PIEZO2: variants seen among roughly 807,000 people sequenced by gnomAD.
The protein encoded by PIEZO2 is piezo-type mechanosensitive ion channel component 2.
Under a neutral mutation model 337.3 loss-of-function variants are expected in PIEZO2, and 172 were observed. That is an observed-to-expected ratio of 0.51 (90% CI 0.45 to 0.58). PIEZO2 has a LOEUF of 0.58. PIEZO2 is among the 20% of genes least tolerant of loss of function. PIEZO2 has a pLI of 0.00. For missense variants in PIEZO2, 3,028 were observed against 3,391.3 expected (o/e 0.89, Z 2.66); for synonymous variants, 1,251 against 1,228.5 (o/e 1.02, Z -0.38).
rs1193598448 is a variant in PIEZO2 at position 11,122,573 on chromosome 18, GA to G, written c.64+25951del. Among the ~76,000 whole-genome samples the G allele has an allele frequency of 1.1e-4, 16 of 152,090 alleles. 1 individual carries two copies. Among genetic ancestry groups the G allele is most frequent in the African/African-American group, 3.9e-4 (16 of 41,482 alleles). The stretch of plus-strand genomic sequence containing the variant: ...TGAAAACTAGTAGCAATAATGCATA[GA>G]AAAAAACCGAAGTTCTGAAATGAAT... On this transcript the variant is annotated intron_variant, in intron 1 of 55. Coordinates refer to ENST00000674853, the MANE Select transcript of PIEZO2 (RefSeq NM_001378183.1).
intron 3 of PIEZO2, among the ~76,000 whole-genome samples, chr18:10,912,155 A>G (rs2030538533): frequency 6.6e-6 from 1 of 152,174 alleles, no homozygotes; most frequent in Admixed American, 6.5e-5. Context: ...AGAGATGGAC[A>G]GCTGGGTATA....
chr18:10,680,415 C>T (rs2034214013), intron 51 of PIEZO2, 44 bp from the exon 52 acceptor site: 1 of 1,512,596 alleles, frequency 6.6e-7, no homozygotes, highest in Non-Finnish European at 9.1e-7. Context: ...TTATATGCAT[C>T]ATGCTGTATA....
chr18:10,800,326 C>A lies in PIEZO2; in HGVS notation c.1378+11G>T. ...AAGAAATGCGACCCTGAGTGCAGGG[C>A]TGGCTCCTACCTGAGGATTCATCAG... On this transcript the variant is annotated intron_variant, in intron 11 of 55. Transcript: ENST00000674853. 1 of 1,532,370 alleles carries A rather than the reference C, an allele frequency of 6.5e-7. No individual in the cohort carries two copies. The highest frequency in any genetic ancestry group is 8.7e-7 in the Non-Finnish European group (1 of 1,144,796). 94.9% of individuals were successfully genotyped at this position (1,532,370 alleles called of 1,614,324 possible).
chr18:10,728,043 C>G (rs918784731), intron 36 of PIEZO2: 1 of 151,806 alleles, frequency 6.6e-6, no homozygotes, highest in Non-Finnish European at 1.5e-5. Context: ...CCCGACAGAA[C>G]GATGCAGGAA....
chr18:10,907,042 C>A, intron 4 of PIEZO2, among the ~76,000 whole-genome samples: 1 of 152,162 alleles, frequency 6.6e-6, no homozygotes, highest in East Asian at 1.9e-4. Flanking sequence ...AATTTCAGAA[C>A]AGGTTGCTAC....
At chr18:10,985,941 G>A (rs1046513799) in intron 2 of PIEZO2, among the ~76,000 whole-genome samples, 4 of 151,756 alleles carry the variant, frequency 2.6e-5, no homozygotes, top group African/African-American at 9.7e-5. Context: ...TAGGGTAGCC[G>A]AATGGATAAA....
intron 3 of PIEZO2, among the ~76,000 whole-genome samples, chr18:10,924,902 TTAAA>T (rs2031636352): frequency 6.6e-6 from 1 of 152,178 alleles, no homozygotes; most frequent in South Asian, 2.1e-4. Flanking sequence ...CTTGTTAAAA[TTAAA>T]TAAAGAAATG....
chr18:10,760,018 C>T, intron 24 of PIEZO2, 109 bp from the exon 25 acceptor site: 1 of 936,892 alleles, frequency 1.1e-6, no homozygotes, highest in East Asian at 2.7e-5. Context: ...TCCCTCAGGG[C>T]AAGTCTGTCT....
At chr18:11,067,145 A>G (rs1484829956) in intron 1 of PIEZO2, among the ~76,000 whole-genome samples, 2 of 152,132 alleles carry the variant, frequency 1.3e-5, no homozygotes, top group South Asian at 2.1e-4. Flanking sequence ...AAAATAACAA[A>G]CAAAATGACA....
In PIEZO2 at chr18:10,999,184, CAAA is replaced by C. The variant is rs35723374; in HGVS notation, c.161-19527_161-19525del. On this transcript the variant is annotated intron_variant, in intron 2 of 55. Coordinates refer to ENST00000674853, the MANE Select transcript of PIEZO2 (RefSeq NM_001378183.1). ...AGCCTCCTCAGTGGAAAGGCAACAG[CAAA>C]AAAAAAAAAAAAAATCAGTTTATAG... is the stretch of plus-strand genomic sequence containing the variant. 6.2e-3 allele frequency among the ~76,000 whole-genome samples: 691 copies of C among 111,682 alleles called. 6 individuals are homozygous for C. Among genetic ancestry groups the C allele is most frequent in the African/African-American group, 0.019 (580 of 30,762 alleles). 73.3% of individuals were successfully genotyped at this position (111,682 alleles called of 152,430 possible).
intron 2 of PIEZO2, among the ~76,000 whole-genome samples, chr18:11,023,467 A>C (rs779720391): frequency 6.6e-6 from 1 of 152,202 alleles, no homozygotes. Context: ...CAGCGTGCTG[A>C]TTGGTGTGTT....
intron 2 of PIEZO2, among the ~76,000 whole-genome samples, chr18:11,044,266 T>A (rs994144726): frequency 4.0e-5 from 6 of 151,524 alleles, no homozygotes; most frequent in Admixed American, 3.9e-4. Flanking sequence ...AAATAAAGTC[T>A]TTTCAAAATG....
intron 7 of PIEZO2, among the ~76,000 whole-genome samples, chr18:10,811,524 A>C (rs957866975): frequency 3.3e-5 from 5 of 152,222 alleles, no homozygotes; most frequent in African/African-American, 1.2e-4. Flanking sequence ...GCTTTTAAAA[A>C]AGAGAGAAAG....
rs902249476 is a variant in PIEZO2 at position 11,032,352 on chromosome 18, T to C, written c.160+33775A>G. The stretch of plus-strand genomic sequence containing the variant: ...CATTTACACCACTCCTGGACATTCA[T>C]TTCCGTGTCTGCAGACAGAAGGTAA... On this transcript the variant is annotated intron_variant, in intron 2 of 55. Transcript: ENST00000674853. The surrounding 1 kb of genome is among the most constrained non-coding windows in gnomAD (Gnocchi z 4.9). 7.2e-5 allele frequency among the ~76,000 whole-genome samples: 11 copies of C among 152,204 alleles called. No individual in the cohort carries two copies. The highest frequency in any genetic ancestry group is 2.4e-4 in the African/African-American group (10 of 41,456).
intron 3 of PIEZO2, among the ~76,000 whole-genome samples, chr18:10,948,776 T>C (rs757312994): frequency 1.2e-4 from 19 of 152,246 alleles, no homozygotes; most frequent in Non-Finnish European, 2.8e-4. Flanking sequence ...CTCACACTTA[T>C]GATGGAGAAT....
Position 10,696,015 on chromosome 18 carries a change from C to T in PIEZO2, c.7190+59G>A. ...TGCTGTGCAATGCATGCGAGTATCA[C>T]CTCAGGAAACACAGTTGCATGGAGG... On this transcript the variant is annotated intron_variant, in intron 47 of 55. Coordinates refer to ENST00000674853, the MANE Select transcript of PIEZO2 (RefSeq NM_001378183.1). The T allele has an allele frequency of 1.3e-6, 2 of 1,500,980 alleles. 1 individual carries two copies. The allele number at this position is 1,500,980 out of a possible 1,614,324, so 93.0% of individuals were successfully genotyped here.
chr18:10,702,915 G>A (rs2035404902), intron 42 of PIEZO2, among the ~76,000 whole-genome samples: 1 of 152,136 alleles, frequency 6.6e-6, no homozygotes, highest in South Asian at 2.1e-4. Context: ...GAGTGCAGTG[G>A]CACAATCACA....
At chr18:10,902,998 T>A (rs1030989708) in intron 4 of PIEZO2, among the ~76,000 whole-genome samples, 1 of 152,158 alleles carries the variant, frequency 6.6e-6, no homozygotes, top group Non-Finnish European at 1.5e-5. Context: ...TGCTCACTGA[T>A]GGGCAACAGG....
At position 11,099,945 on chromosome 18, in the gene PIEZO2, A is replaced by T. The variant is rs924132010; in HGVS notation, c.65-33723T>A. ...GAAACCAAGCCTTTGTTAATTATAT[A>T]ATCACAAATGTTTTCTCCTAGTATG... On this transcript the variant is annotated intron_variant, in intron 1 of 55. Coordinates refer to ENST00000674853, the MANE Select transcript of PIEZO2 (RefSeq NM_001378183.1). This position sits in a 1 kb window ranked among gnomAD's most constrained non-coding sequence, Gnocchi z 5.4. Among the ~76,000 whole-genome samples, 1 of 152,216 alleles carries T rather than the reference A, an allele frequency of 6.6e-6. No homozygotes were observed. The highest frequency in any genetic ancestry group is 1.5e-5 in the Non-Finnish European group (1 of 68,036).
Sources: allele counts gnomAD v4.1 joint callset (sites outside exome capture counted in the v4.1 genomes callset), GRCh38; gene constraint gnomAD v4.1.1; non-coding constraint Gnocchi (gnomAD v3.1); transcripts MANE v1.5; gene names NCBI Gene and HGNC (gene_info 2026-07-23, HGNC 2026-07-21).